Variants in ANK3 observed in about 807,000 individuals in gnomAD.
ANK3 encodes ankyrin 3, also known as ankyrin-3.
ANK3 carries 57 observed loss-of-function variants against 370.9 expected under a neutral mutation model. The observed-to-expected ratio is 0.15, with a 90% CI of 0.12 to 0.19. The LOEUF (loss-of-function observed/expected upper bound fraction) is 0.19, where lower values mean the gene tolerates loss of function less well. Among genes scored for constraint, ANK3 ranks in the 10% least tolerant of loss-of-function variants. The pLI is 1.00. For synonymous variants in ANK3, 1,929 were observed against 1,946.3 expected, an observed-to-expected ratio of 0.99 and a Z score of 0.23; for missense variants, 4,439 against 5,302.1, an observed-to-expected ratio of 0.84 and a Z score of 5.06.
At chr10:60,205,990 T>C (rs964088746) in intron 10 of ANK3, 100 bp from the exon 11 acceptor site, 2 of 780,552 alleles carry the variant, frequency 2.6e-6, no homozygotes, top group East Asian at 2.7e-5. Flanking sequence ...GTGTGGTAAA[T>C]TGAAATGAAC....
Position 60,115,461 on chromosome 10 carries a change from T to C in ANK3, c.2842-1130A>G, listed in dbSNP as rs1022559100. Among the ~76,000 whole-genome samples the C allele has an allele frequency of 9.9e-5, 15 of 151,618 alleles. 1 individual carries two copies. Among genetic ancestry groups the C allele is most frequent in the Admixed American group, 8.5e-4 (13 of 15,240 alleles). ...GAGTGTGTGGATAAAACCAGAAAAA[T>C]GAAATAAAACCAAACCAAGCTAGAG... On this transcript the variant is annotated intron_variant, in intron 25 of 43. Coordinates refer to ENST00000280772, the MANE Select transcript of ANK3 (RefSeq NM_020987.5).
rs553925272 is a variant in ANK3, at chr10:60,333,499, G to A, written c.115-53860C>T. Among the ~76,000 whole-genome samples, 302 of 152,250 alleles carry A rather than the reference G, an allele frequency of 2.0e-3. 2 individuals are homozygous for A. The highest frequency in any genetic ancestry group is 0.017 in the Middle Eastern group (5 of 294). On this transcript the variant is annotated intron_variant, in intron 1 of 43. Coordinates refer to ENST00000280772, the MANE Select transcript of ANK3 (RefSeq NM_020987.5). ...TGAACTCATTCTTTTTTACGCCTGT[G>A]TAGTTTTCCAGGGTGTATATGTGGC... is the stretch of plus-strand genomic sequence containing the variant.
chr10:60,390,666 T>G (rs372877247), upstream of ANK3, among the ~76,000 whole-genome samples: 114 of 150,664 alleles, frequency 7.6e-4, no homozygotes, highest in African/African-American at 2.7e-3. Context: ...AGTAAGCGCT[T>G]TAGCAAGAAA....
chr10:60,210,327 G>A (rs979057687), intron 9 of ANK3, among the ~76,000 whole-genome samples: 23 of 152,028 alleles, frequency 1.5e-4, no homozygotes, highest in African/African-American at 5.6e-4. Flanking sequence ...AAGATGGGAG[G>A]GGTAAATCGT....
intron 1 of ANK3, among the ~76,000 whole-genome samples, chr10:60,625,942 C>A (rs1397894380): frequency 1.3e-5 from 2 of 152,152 alleles, no homozygotes; most frequent in Non-Finnish European, 2.9e-5. Context: ...AGAGCAATGA[C>A]ATTCAAAGCT....
intron 8 of ANK3, among the ~76,000 whole-genome samples, chr10:60,221,835 C>T (rs1196426330): frequency 6.6e-6 from 1 of 152,212 alleles, no homozygotes; most frequent in East Asian, 1.9e-4. Flanking sequence ...TCAGAAGCTG[C>T]TACCTCTGAT....
chr10:60,158,481 G>A (rs2095411157), intron 23 of ANK3, among the ~76,000 whole-genome samples: 1 of 152,106 alleles, frequency 6.6e-6, no homozygotes, highest in South Asian at 2.1e-4. Context: ...AAGTGGGGAG[G>A]ATGAAGTTAA....
chr10:60,276,485 G>A (rs1439766664), intron 4 of ANK3, among the ~76,000 whole-genome samples: 2 of 152,150 alleles, frequency 1.3e-5, no homozygotes, highest in Non-Finnish European at 2.9e-5. Flanking sequence ...AGTTCAGAAG[G>A]CATATGAGGG....
intron 1 of ANK3, among the ~76,000 whole-genome samples, chr10:60,351,486 A>G (rs1050102642): frequency 6.6e-6 from 1 of 152,224 alleles, no homozygotes; most frequent in Non-Finnish European, 1.5e-5. Flanking sequence ...CAGTGCTATC[A>G]CAGACTGCTC....
rs775373831 is a variant in ANK3, at chr10:60,070,138, A to T, written c.10743T>A (p.Asp3581Glu). Reference sequence around the variant, plus strand: ...CAGTTGGCGTTCTGGCTGGCGTTGTATCAGGGGTTGTTGCTGGAGAGCGGT... The same window carrying T: ...CAGTTGGCGTTCTGGCTGGCGTTGTTTCAGGGGTTGTTGCTGGAGAGCGGT... ...VEDRSPATTP[D>E]TTPARTPTDE... The change falls in exon 37 of 44, where the codon GAT becomes GAA. Residue 3581 changes from aspartate to glutamate, a missense_variant. Physicochemically the swap from Asp to Glu is conservative, Grantham distance 45. Coordinates refer to ENST00000280772, the MANE Select transcript of ANK3 (RefSeq NM_020987.5). The surrounding 1 kb of genome is among the most constrained non-coding windows in gnomAD (Gnocchi z 5.7). 6.2e-7 allele frequency: 1 copy of T among 1,614,150 alleles called. No homozygotes were observed. The highest frequency in any genetic ancestry group is 8.5e-7 in the Non-Finnish European group (1 of 1,179,996).
At chr10:60,629,488 T>C (rs773301730) in intron 1 of ANK3, among the ~76,000 whole-genome samples, 9 of 152,158 alleles carry the variant, frequency 5.9e-5, no homozygotes, top group Admixed American at 1.3e-4. Flanking sequence ...CTAGATGATA[T>C]TGAAAAATAC....
chr10:60,299,999 C>T (rs1411216902), intron 1 of ANK3, among the ~76,000 whole-genome samples: 1 of 152,158 alleles, frequency 6.6e-6, no homozygotes, highest in Non-Finnish European at 1.5e-5. Flanking sequence ...TTTTTACGCT[C>T]TTGGATTTAC....
At chr10:60,262,842 A>G (rs2132645398) in intron 6 of ANK3, among the ~76,000 whole-genome samples, 1 of 152,324 alleles carries the variant, frequency 6.6e-6, no homozygotes, top group East Asian at 1.9e-4. Context: ...TAAAGTGTCC[A>G]GACTCTTCAT....
chr10:60,217,827 T>C (rs1326563984), intron 8 of ANK3, among the ~76,000 whole-genome samples: 3 of 152,202 alleles, frequency 2.0e-5, no homozygotes, highest in Non-Finnish European at 2.9e-5. Context: ...TTCTGTCTCA[T>C]AGATCTGTCT....
intron 37 of ANK3, 35 bp downstream of exon 37, chr10:60,068,600 CAG>C: frequency 6.5e-7 from 1 of 1,549,976 alleles, no homozygotes; most frequent in Non-Finnish European, 8.7e-7. Context: ...AGGATGTGAG[CAG>C]AGTGCTCGAG....
At chr10:60,536,658 A>C (rs571887485) in intron 2 of ANK3, among the ~76,000 whole-genome samples, 4 of 152,090 alleles carry the variant, frequency 2.6e-5, no homozygotes, top group Admixed American at 6.6e-5. Context: ...TCACATAAAC[A>C]AAAAAACACG....
At position 60,063,149 on chromosome 10, in the gene ANK3, A is replaced by G. The variant is rs760107760; in HGVS notation, c.12557T>C (p.Phe4186Ser). The change falls in exon 40 of 44, where the codon TTT becomes TCT. Residue 4186 changes from phenylalanine (F) to serine (S), a missense_variant. Around this residue, in one of 13 missense-constraint regions of ANK3, gnomAD observed 242 missense variants for 228.0 expected, o/e 1.06. Transcript: ENST00000280772. ...ATGGAAAACATTGTTCTCATCTGCA[A>G]AACTTCTGGTGCCTGAAATATTTCC... is the stretch of plus-strand genomic sequence containing the variant. ...DYGNISGTRSFADENNVFHDP... is the reference protein window; with the variant it reads ...DYGNISGTRSSADENNVFHDP... 6.2e-7 allele frequency: 1 copy of G among 1,613,566 alleles called. No individual in the cohort carries two copies. Among genetic ancestry groups the G allele is most frequent in the Non-Finnish European group, 8.5e-7 (1 of 1,179,800 alleles).
intron 1 of ANK3, among the ~76,000 whole-genome samples, chr10:60,289,532 C>G (rs1032455519): frequency 6.6e-6 from 1 of 151,918 alleles, no homozygotes; most frequent in African/African-American, 2.4e-5. Flanking sequence ...CCCACCTCAG[C>G]CTTCCAAGTA....
intron 8 of ANK3, among the ~76,000 whole-genome samples, chr10:60,217,397 T>A (rs772933097): frequency 1.3e-5 from 2 of 152,204 alleles, no homozygotes; most frequent in Non-Finnish European, 2.9e-5. Context: ...GGGCATTTAG[T>A]GCTATAAAAT....
Sources: allele counts gnomAD v4.1 joint callset (sites outside exome capture counted in the v4.1 genomes callset), GRCh38; gene constraint gnomAD v4.1.1; regional missense constraint gnomAD v4.1.1; non-coding constraint Gnocchi (gnomAD v3.1); transcripts MANE v1.5; gene names NCBI Gene and HGNC (gene_info 2026-07-23, HGNC 2026-07-21).